The following IRX4 variants were observed in gnomAD, a reference collection of about 807,000 sequenced individuals.
IRX4 encodes iroquois homeobox 4, also known as iroquois-class homeodomain protein IRX-4.
IRX4 carries 22 observed loss-of-function variants against 32.0 expected under a neutral mutation model. The observed-to-expected ratio is 0.69, with a 90% CI of 0.49 to 0.98. The LOEUF (loss-of-function observed/expected upper bound fraction) is 0.98, where lower values mean the gene tolerates loss of function less well. Among genes scored for constraint, IRX4 ranks in the 50% least tolerant of loss-of-function variants. IRX4 has a pLI of 0.00. For synonymous variants in IRX4, 379 were observed against 351.7 expected, an observed-to-expected ratio of 1.08 and a Z score of -0.87; for missense variants, 840 against 744.2, an observed-to-expected ratio of 1.13 and a Z score of -1.50.
upstream of IRX4, chr5:1,884,476 A>C (rs1189642490): frequency 6.6e-6 from 1 of 152,262 alleles, no homozygotes; most frequent in Non-Finnish European, 1.5e-5. Flanking sequence ...GCTTTAATTT[A>C]CAGATGAAAA....
rs776809976 is a variant in IRX4, at chr5:1,878,372, C to G, written c.1157G>C (p.Ser386Thr). The change falls in exon 5 of 5, where the codon AGC (serine) becomes ACC (threonine). Residue 386 changes from serine (S) to threonine (T), a missense_variant. Ser to Thr is a moderately conservative substitution (Grantham distance 58). Transcript: ENST00000231357. ...TAAAAAATSL[S>T]QTEFPSCMLK... ...CATGCACGACGGAAACTCAGTCTGG[C>G]TCAGGGAGGTGGCGGCGGCGGCGGC... 8 of 1,535,052 alleles carry G rather than the reference C, an allele frequency of 5.2e-6. No homozygotes were observed. Among genetic ancestry groups the G allele is most frequent in the Non-Finnish European group, 7.0e-6 (8 of 1,143,604 alleles).
In IRX4 at chr5:1,877,831, C is replaced by T. The variant is rs1735249869; in HGVS notation, c.*138G>A. 1.7e-5 allele frequency: 14 copies of T among 800,736 alleles called. No homozygotes were observed. In the South Asian group the frequency reaches 2.5e-4, roughly 15 times the overall value. 49.6% of individuals were successfully genotyped at this position (800,736 alleles called of 1,614,324 possible). ...CGGGCTTGTCCATGTTCCCAGGAGT[C>T]CAAGTTCAGAAGCCCCCTCTCCGGT... On this transcript the variant is annotated 3_prime_UTR_variant, in exon 5 of 5. Coordinates refer to ENST00000231357, the MANE Select transcript of IRX4 (RefSeq NM_016358.3).
Position 1,882,023 on chromosome 5 carries a change from C to G in IRX4, c.82G>C (p.Glu28Gln). Residue 28 changes from glutamate (E) to glutamine (Q), a missense_variant, in exon 2 of 5, where the codon GAG becomes CAG. This residue lies in a region of IRX4 where 241 missense variants were observed against 220.8 expected (regional missense o/e 1.09). Transcript: ENST00000231357. ...TCCGCCAGCGTGCGGCCTCCGGACTCGCAGCACGTGCTCAGGGAGTTGGTG... is the reference window on the plus strand; with the variant it reads ...TCCGCCAGCGTGCGGCCTCCGGACTGGCAGCACGTGCTCAGGGAGTTGGTG... ...MATNSLSTCC[E>Q]SGGRTLADSG... The G allele has an allele frequency of 6.5e-7, 1 of 1,549,254 alleles. No homozygotes were observed. Among genetic ancestry groups the G allele is most frequent in the Non-Finnish European group, 8.7e-7 (1 of 1,147,504 alleles).
chr5:1,882,679 C>T lies in IRX4; in HGVS notation c.-32G>A. 1.5e-6 allele frequency: 2 copies of T among 1,341,530 alleles called. No homozygotes were observed. The highest frequency in any genetic ancestry group is 1.9e-6 in the Non-Finnish European group (2 of 1,036,748). 83.1% of individuals were successfully genotyped at this position (1,341,530 alleles called of 1,614,324 possible). Reference sequence around the variant, plus strand: ...CGCGGCCCGGGGCGGACGGGCGGGGCCTGCAGGGTTCTGCGCGCTGGGGCC... The same window carrying T: ...CGCGGCCCGGGGCGGACGGGCGGGGTCTGCAGGGTTCTGCGCGCTGGGGCC... On this transcript the variant is annotated 5_prime_UTR_variant, in exon 1 of 5. Coordinates refer to ENST00000231357, the MANE Select transcript of IRX4 (RefSeq NM_016358.3).
At chr5:1,880,349 TTCCCCACTG>T (rs1457779289) in intron 3 of IRX4, among the ~76,000 whole-genome samples, 1 of 152,136 alleles carries the variant, frequency 6.6e-6, no homozygotes, top group Non-Finnish European at 1.5e-5. Context: ...CCACCAGGGG[TTCCCCACTG>T]TTCCCACTGT....
chr5:1,877,980 A>C lies in IRX4; in HGVS notation c.1549T>G (p.Phe517Val). The C allele has an allele frequency of 1.3e-6, 2 of 1,501,878 alleles. No individual in the cohort carries two copies. The highest frequency in any genetic ancestry group is 2.5e-5 in the South Asian group (2 of 81,302). The allele number at this position is 1,501,878 out of a possible 1,614,324, so 93.0% of individuals were successfully genotyped here. The change falls in exon 5 of 5, where the codon TTC becomes GTC. Residue 517 changes from phenylalanine to valine, a missense_variant. Coordinates refer to ENST00000231357, the MANE Select transcript of IRX4 (RefSeq NM_016358.3). ...GGGACCCGCCCGCCTCAGGCGCAGA[A>C]GGGTTTGCCGCCGGCCTTGGGCAGG... ...LALPKAGGKP[F>V]CA
At position 1,878,627 on chromosome 5, in the gene IRX4, GA is replaced by G; in HGVS notation, c.901del (p.Ser301GlnfsTer85). Reference protein sequence around the residue: ...AAPDGPVKEASGALRMSLAAG... With the variant: ...AAPDGPVKEAXGALRMSLAAG... ...GGCCAGAGACATCCGGAGCGCGCCT[GA>G]GGCCTCCTTGACCGGGCCGTCGGGC... is the stretch of plus-strand genomic sequence containing the variant. On this transcript the variant is annotated frameshift_variant, in exon 5 of 5. Coordinates refer to ENST00000231357, the MANE Select transcript of IRX4 (RefSeq NM_016358.3). LOFTEE classifies it low-confidence loss of function (END_TRUNC). 6.3e-7 allele frequency: 1 copy of G among 1,579,396 alleles called. No homozygotes were observed. Among genetic ancestry groups the G allele is most frequent in the Non-Finnish European group, 8.6e-7 (1 of 1,163,648 alleles).
rs1353036949 is a variant in IRX4, at chr5:1,882,602, C to T, written c.45+1G>A. On this transcript the variant is annotated splice_donor_variant, in intron 1 of 4. Coordinates refer to ENST00000231357, the MANE Select transcript of IRX4 (RefSeq NM_016358.3). LOFTEE classifies it high-confidence loss of function. ...CCTGGGCGGGGCGGGGCTCCGCTTA[C>T]CTGGGGAGCCGAGGAGTAGGGGTAT... 3 of 1,472,976 alleles carry T rather than the reference C, an allele frequency of 2.0e-6. No homozygotes were observed. The highest frequency in any genetic ancestry group is 2.7e-5 in the Admixed American group (1 of 36,408). 91.2% of individuals were successfully genotyped at this position (1,472,976 alleles called of 1,614,324 possible).
rs1735234130 is a variant in IRX4 at position 1,877,430 on chromosome 5, C to G, written c.*539G>C. On this transcript the variant is annotated 3_prime_UTR_variant, in exon 5 of 5. Transcript: ENST00000231357. ...TGTGTTCATTTTGCAATACAAACAC[C>G]ATCACTCGGTTTTATTGGTTTTGTT... 6.6e-6 allele frequency: 1 copy of G among 152,644 alleles called. No homozygotes were observed. Among genetic ancestry groups the G allele is most frequent in the Admixed American group, 6.5e-5 (1 of 15,288 alleles). 9.5% of individuals were successfully genotyped at this position (152,644 alleles called of 1,614,324 possible). A position where few individuals can be genotyped will look rare whatever the true frequency, so the allele number is the denominator to read the frequency against.
upstream of IRX4, among the ~76,000 whole-genome samples, chr5:1,885,538 G>C (rs1230035185): frequency 6.6e-6 from 1 of 152,130 alleles, no homozygotes; most frequent in Admixed American, 6.5e-5. Flanking sequence ...CTGGGGTCCG[G>C]GCCCAGTCAC....
chr5:1,877,685 A>C lies in IRX4; in HGVS notation c.*284T>G. ...TTCTCCATGTAAACTTTTGACGTAA[A>C]CTTTATGCTTCAGGGTATCTGGCCT... On this transcript the variant is annotated 3_prime_UTR_variant, in exon 5 of 5. Coordinates refer to ENST00000231357, the MANE Select transcript of IRX4 (RefSeq NM_016358.3). 1 of 442,860 alleles carries C rather than the reference A, an allele frequency of 2.3e-6. No individual in the cohort carries two copies. The highest frequency in any genetic ancestry group is 4.0e-6 in the Non-Finnish European group (1 of 252,756). The allele number at this position is 442,860 out of a possible 1,614,324, so 27.4% of individuals were successfully genotyped here.
In IRX4 at chr5:1,882,725, C is replaced by A. The variant is rs1272439589; in HGVS notation, c.-78G>T. ...GGGCCGGCGTGGCGCGGCCACTGCT[C>A]CGGAGCTGCAGGCTTCTAGGCGCTG... On this transcript the variant is annotated 5_prime_UTR_variant, in exon 1 of 5. Coordinates refer to ENST00000231357, the MANE Select transcript of IRX4 (RefSeq NM_016358.3). 1 of 950,986 alleles carries A rather than the reference C, an allele frequency of 1.1e-6. No individual in the cohort carries two copies. 58.9% of individuals were successfully genotyped at this position (950,986 alleles called of 1,614,324 possible). A position where few individuals can be genotyped will look rare whatever the true frequency, so the allele number is the denominator to read the frequency against.
At chr5:1,882,987 A>G (rs1735509513), upstream of IRX4, among the ~76,000 whole-genome samples, 1 of 150,780 alleles carries the variant, frequency 6.6e-6, no homozygotes, top group South Asian at 2.1e-4. Flanking sequence ...CGCGGCTTGA[A>G]GCGGAGGAGG....
upstream of IRX4, among the ~76,000 whole-genome samples, chr5:1,886,357 A>G (rs260400): frequency 0.89 from 135,859 of 152,286 alleles, 60,882 homozygotes; most frequent in African/African-American, 0.95. Flanking sequence ...TCTTTCTGAG[A>G]CCTGGGGCCA....
rs1490337648 is a variant in IRX4 at position 1,878,445 on chromosome 5, G to T, written c.1084C>A (p.Leu362Met). The change falls in exon 5 of 5, where the codon CTG becomes ATG. Residue 362 changes from leucine to methionine, a missense_variant. Transcript: ENST00000231357. Reference sequence around the variant, plus strand: ...GACCAGATGCGCGGCTTAGCCTCCAGGCCTGCCGACGCCCCCGCCGGCACA... The same window carrying T: ...GACCAGATGCGCGGCTTAGCCTCCATGCCTGCCGACGCCCCCGCCGGCACA... Reference protein sequence around the residue: ...GFVPAGASAGLEAKPRIWSLA... With the variant: ...GFVPAGASAGMEAKPRIWSLA... The T allele has an allele frequency of 2.7e-6, 4 of 1,470,634 alleles. No homozygotes were observed. Among genetic ancestry groups the T allele is most frequent in the Non-Finnish European group, 2.7e-6 (3 of 1,116,586 alleles). 91.1% of individuals were successfully genotyped at this position (1,470,634 alleles called of 1,614,324 possible).
chr5:1,878,577 C>G lies in IRX4; in HGVS notation c.952G>C (p.Glu318Gln). The change falls in exon 5 of 5, where the codon GAG becomes CAG. Residue 318 changes from glutamate to glutamine, a missense_variant. Physicochemically the swap from Glu to Gln is conservative, Grantham distance 29 (BLOSUM62 2). Coordinates refer to ENST00000231357, the MANE Select transcript of IRX4 (RefSeq NM_016358.3). ...LAAGGGAALD[E>Q]DLERARSCLR... Reference sequence around the variant, plus strand: ...CAGCTCCGGGCCCTCTCCAGGTCCTCGTCCAGAGCAGCTCCGCCACCCGCG... The same window carrying G: ...CAGCTCCGGGCCCTCTCCAGGTCCTGGTCCAGAGCAGCTCCGCCACCCGCG... 6.5e-7 allele frequency: 1 copy of G among 1,548,678 alleles called. No individual in the cohort carries two copies. Among genetic ancestry groups the G allele is most frequent in the Admixed American group, 2.0e-5 (1 of 51,204 alleles).
chr5:1,880,999 G>A (rs1479211162), intron 2 of IRX4, 165 bp from the exon 3 acceptor site: 9 of 516,562 alleles, frequency 1.7e-5, no homozygotes, highest in African/African-American at 4.2e-5. Context: ...ACCTGGTCTC[G>A]CAAACCTGAA....
chr5:1,882,824 G>A lies in IRX4; in HGVS notation c.-177C>T. ...CTTTTCTAACCGGGTAACAAAGTGA[G>A]CAGCGGTGGCCGCCGCGATTCCTTT... On this transcript the variant is annotated 5_prime_UTR_variant, in exon 1 of 5. Coordinates refer to ENST00000231357, the MANE Select transcript of IRX4 (RefSeq NM_016358.3). 4.9e-6 allele frequency: 2 copies of A among 410,754 alleles called. No homozygotes were observed. Among genetic ancestry groups the A allele is most frequent in the Non-Finnish European group, 4.4e-6 (1 of 229,242 alleles). The allele number at this position is 410,754 out of a possible 1,614,324, so 25.4% of individuals were successfully genotyped here.
upstream of IRX4, among the ~76,000 whole-genome samples, chr5:1,886,701 G>A (rs1735642400): frequency 6.6e-6 from 1 of 151,958 alleles, no homozygotes; most frequent in South Asian, 2.1e-4. Flanking sequence ...GCCACTCCGA[G>A]CCCCCCACCC....
Sources: allele counts gnomAD v4.1 joint callset (sites outside exome capture counted in the v4.1 genomes callset), GRCh38; gene constraint gnomAD v4.1.1; regional missense constraint gnomAD v4.1.1; transcripts MANE v1.5; gene names NCBI Gene and HGNC (gene_info 2026-07-23, HGNC 2026-07-21).